KCTD1: variants seen among roughly 807,000 people sequenced by gnomAD.
KCTD1 encodes potassium channel tetramerization domain containing 1.
KCTD1 carries 24 observed loss-of-function variants against 66.0 expected under a neutral mutation model. That is an observed-to-expected ratio of 0.36 (90% confidence interval 0.26 to 0.51). KCTD1 has a LOEUF of 0.51. Among genes scored for constraint, KCTD1 ranks in the 20% least tolerant of loss-of-function variants. KCTD1 has a pLI of 0.95. For missense variants in KCTD1, 943 were observed against 1,205.2 expected (o/e 0.78, Z 3.22); for synonymous variants, 511 against 517.2 (o/e 0.99, Z 0.16).
At chr18:26,502,251 G>A (rs1051702853) in intron 1 of KCTD1, among the ~76,000 whole-genome samples, 9 of 152,202 alleles carry the variant, frequency 5.9e-5, no homozygotes, top group South Asian at 2.1e-4. Flanking sequence ...GGGTTTCACC[G>A]TGTTAGCCAG....
At chr18:26,642,931 G>A (rs967929876), upstream of KCTD1, among the ~76,000 whole-genome samples, 1 of 152,062 alleles carries the variant, frequency 6.6e-6, no homozygotes, top group African/African-American at 2.4e-5. Context: ...GGGCGGAGGG[G>A]CGTGCACTGG....
intron 2 of KCTD1, among the ~76,000 whole-genome samples, chr18:26,482,726 G>T (rs1981712945): frequency 6.6e-6 from 1 of 152,178 alleles, no homozygotes; most frequent in South Asian, 2.1e-4. Flanking sequence ...CGAGAGGCCA[G>T]CAGGTTAATC....
chr18:26,652,793 G>A (rs562191564), intron 1 of KCTD1, among the ~76,000 whole-genome samples: 8 of 152,308 alleles, frequency 5.3e-5, no homozygotes, highest in South Asian at 2.1e-4. Flanking sequence ...CTGTTACACC[G>A]GATGTGAATG....
chr18:26,560,627 G>A (rs2144875248), intron 1 of KCTD1, among the ~76,000 whole-genome samples: 1 of 152,310 alleles, frequency 6.6e-6, no homozygotes, highest in South Asian at 2.1e-4. Flanking sequence ...TTCAGGTCTG[G>A]CAGGGGGTGG....
At chr18:26,560,119 C>T (rs1359526481) in intron 1 of KCTD1, among the ~76,000 whole-genome samples, 6 of 147,542 alleles carry the variant, frequency 4.1e-5, no homozygotes, top group African/African-American at 1.0e-4. Context: ...AAATGTTAGC[C>T]GTTACCACCT....
At chr18:26,595,186 A>C (rs1598958471) in intron 1 of KCTD1, among the ~76,000 whole-genome samples, 1 of 152,184 alleles carries the variant, frequency 6.6e-6, no homozygotes, top group East Asian at 1.9e-4. Flanking sequence ...CAGGCCTGGC[A>C]CAAGGGGCTT....
intron 1 of KCTD1, chr18:26,599,843 T>C (rs923797436): frequency 7.7e-6 from 12 of 1,558,656 alleles, no homozygotes; most frequent in Non-Finnish European, 1.1e-5. Flanking sequence ...CGAGAACACC[T>C]TGGTCATGAA....
chr18:26,532,163 G>C (rs1440748861), intron 1 of KCTD1, among the ~76,000 whole-genome samples: 2 of 151,988 alleles, frequency 1.3e-5, no homozygotes, highest in East Asian at 3.9e-4. Flanking sequence ...AACCTAACAA[G>C]TGAGAAGAGG....
intron 1 of KCTD1, among the ~76,000 whole-genome samples, chr18:26,607,211 A>AT (rs1254307647): frequency 6.6e-6 from 1 of 152,078 alleles, no homozygotes. Context: ...ATTTAAAATA[A>AT]TTTTTTTAGA....
intron 1 of KCTD1, among the ~76,000 whole-genome samples, chr18:26,583,413 A>G (rs866918139): frequency 3.6e-4 from 54 of 149,984 alleles, no homozygotes; most frequent in African/African-American, 1.0e-3. Flanking sequence ...AAAAAAAAAA[A>G]AAAAGAAAAA....
At position 26,504,237 on chromosome 18, in the gene KCTD1, C is replaced by T. The variant is rs182432848; in HGVS notation, c.1810-2987G>A. Among the ~76,000 whole-genome samples, 93 of 152,126 alleles carry T rather than the reference C, an allele frequency of 6.1e-4. 1 individual carries two copies. Among genetic ancestry groups the T allele is most frequent in the Non-Finnish European group, 9.1e-4 (62 of 67,992 alleles). ...GGTACGTGCCACCACGCTCAGCTAACTATTATTATTATTGTTATTTGAGAC... is the reference window on the plus strand; with the variant it reads ...GGTACGTGCCACCACGCTCAGCTAATTATTATTATTATTGTTATTTGAGAC... On this transcript the variant is annotated intron_variant, in intron 1 of 4. Transcript: ENST00000580059.
At chr18:26,627,029 G>A (rs1987516352) in intron 1 of KCTD1, among the ~76,000 whole-genome samples, 1 of 152,108 alleles carries the variant, frequency 6.6e-6, no homozygotes, top group East Asian at 1.9e-4. Flanking sequence ...ATCTTTTGAA[G>A]ATTTCAAGGC....
intron 1 of KCTD1, chr18:26,567,055 A>G (rs1985999089): frequency 6.6e-6 from 1 of 152,120 alleles, no homozygotes; most frequent in African/African-American, 2.4e-5. Flanking sequence ...TAAGGAAGAA[A>G]GAAAAGGGAG....
chr18:26,532,265 T>C (rs59992436), intron 1 of KCTD1, among the ~76,000 whole-genome samples: 8,208 of 35,876 alleles, frequency 0.23, 449 homozygotes, highest in Middle Eastern at 0.39. Flanking sequence ...TTCCTTCTTT[T>C]TTTTTTTTTT....
chr18:26,618,275 G>A (rs1003880515), intron 1 of KCTD1, among the ~76,000 whole-genome samples: 1 of 152,128 alleles, frequency 6.6e-6, no homozygotes, highest in Non-Finnish European at 1.5e-5. Flanking sequence ...CAAGTGTGAG[G>A]GTTCAAAAGA....
intron 1 of KCTD1, among the ~76,000 whole-genome samples, chr18:26,598,471 T>TACAC (rs4041522): frequency 0.062 from 9,213 of 149,700 alleles, 365 homozygotes; most frequent in South Asian, 0.15. Flanking sequence ...TCTCTTTTTT[T>TACAC]ACACACACAC....
At chr18:26,537,381 T>G (rs779003343) in intron 1 of KCTD1, among the ~76,000 whole-genome samples, 12 of 152,170 alleles carry the variant, frequency 7.9e-5, no homozygotes, top group Non-Finnish European at 1.6e-4. Flanking sequence ...ACCTATTCCA[T>G]AAGGACTATG....
intron 1 of KCTD1, among the ~76,000 whole-genome samples, chr18:26,532,261 C>CTTTCTTTTTTTT (rs1394278500): frequency 1.4e-4 from 4 of 29,556 alleles, no homozygotes; most frequent in African/African-American, 2.6e-4. Flanking sequence ...TTCTTTCCTT[C>CTTTCTTTTTTTT]TTTTTTTTTT....
In KCTD1 at chr18:26,459,753, T is replaced by C. The variant is rs1980306409; in HGVS notation, c.2306A>G (p.Lys769Arg). The C allele has an allele frequency of 1.2e-6, 2 of 1,614,060 alleles. No individual in the cohort carries two copies. Among genetic ancestry groups the C allele is most frequent in the Admixed American group, 3.3e-5 (2 of 60,008 alleles). The change falls in exon 4 of 5, where the codon AAA becomes AGA. Residue 769 changes from lysine to arginine, a missense_variant. By Grantham distance (26) the Lys-to-Arg change is conservative. Around this residue, in one of 10 missense-constraint regions of KCTD1, gnomAD observed 162 missense variants for 232.4 expected, o/e 0.70. Coordinates refer to ENST00000580059, the MANE Select transcript of KCTD1 (RefSeq NM_001142730.3). ...LGERITLSGD[K>R]SLIEEVFPEI... is the part of the protein sequence containing the mutation. ...TGGAAATACTTCTTCTATCAAGGAT[T>C]TGTCACCGCTTAGCGTGATCCTTTC...
Sources: allele counts gnomAD v4.1 joint callset (sites outside exome capture counted in the v4.1 genomes callset), GRCh38; gene constraint gnomAD v4.1.1; regional missense constraint gnomAD v4.1.1; transcripts MANE v1.5; gene names NCBI Gene and HGNC (gene_info 2026-07-23, HGNC 2026-07-21).